PHLDB1: variants seen among roughly 807,000 people sequenced by gnomAD.
PHLDB1 encodes the protein pleckstrin homology like domain family B member 1.
A neutral mutation model predicts 139.3 loss-of-function variants in PHLDB1; 65 were observed. The observed-to-expected ratio is 0.47, with a 90% confidence interval of 0.38 to 0.57. The LOEUF (loss-of-function observed/expected upper bound fraction) is 0.57, where lower values mean the gene tolerates loss of function less well. Among genes scored for constraint, PHLDB1 ranks in the 20% least tolerant of loss-of-function variants. PHLDB1 has a pLI of 0.00. For synonymous variants in PHLDB1, 679 were observed against 734.5 expected (o/e 0.92, Z 1.22); for missense variants, 1,624 against 1,839.7 (o/e 0.88, Z 2.14).
intron 20 of PHLDB1, chr11:118,652,185 T>C (rs1420450625): frequency 6.6e-6 from 1 of 152,196 alleles, no homozygotes; most frequent in Non-Finnish European, 1.5e-5. Context: ...CCTAACCTGG[T>C]CCCTGATCAC....
chr11:118,644,457 C>T, intron 15 of PHLDB1: 1 of 488,594 alleles, frequency 2.0e-6, no homozygotes, highest in Non-Finnish European at 3.7e-6. Flanking sequence ...AGACATTGCC[C>T]TCTCTGGAGG....
At position 118,610,489 on chromosome 11, in the gene PHLDB1, G is replaced by A; in HGVS notation, c.-22+2790G>A. 3.0e-6 allele frequency: 3 copies of A among 984,404 alleles called. No homozygotes were observed. Among genetic ancestry groups the A allele is most frequent in the Non-Finnish European group, 3.6e-6 (3 of 828,980 alleles). The allele number at this position is 984,404 out of a possible 1,614,324, so 61.0% of individuals were successfully genotyped here. On this transcript the variant is annotated intron_variant, in intron 1 of 22. Coordinates refer to ENST00000600882, the MANE Select transcript of PHLDB1 (RefSeq NM_001144758.3). The surrounding 1 kb of genome is among the most constrained non-coding windows in gnomAD (Gnocchi z 8.7). ...GGGCCTCTGGCCACAGCCATGCACC[G>A]CTTGGGCCGAGGCCGAGGCCGACCC...
At chr11:118,655,214 A>G in intron 20 of PHLDB1, 1 of 174,330 alleles carries the variant, frequency 5.7e-6, no homozygotes, top group Non-Finnish European at 1.2e-5. Flanking sequence ...GCATTGGATC[A>G]AAAGATAAAT....
At chr11:118,616,324 C>A in intron 4 of PHLDB1, 113 bp downstream of exon 4, 1 of 893,666 alleles carries the variant, frequency 1.1e-6, no homozygotes, top group Non-Finnish European at 1.7e-6. Context: ...AGTGACCATA[C>A]TGGGAATGGA....
At chr11:118,612,609 G>A (rs1238073518) in intron 1 of PHLDB1, among the ~76,000 whole-genome samples, 1 of 152,328 alleles carries the variant, frequency 6.6e-6, no homozygotes, top group East Asian at 1.9e-4. Context: ...GCCAGCTTGG[G>A]TGGAAATGGT....
rs143362085 is a variant in PHLDB1 at position 118,649,050 on chromosome 11, A to G, written c.3654+974A>G. 7.7e-3 allele frequency among the ~76,000 whole-genome samples: 1,172 copies of G among 152,268 alleles called. 15 individuals are homozygous for G. The highest frequency in any genetic ancestry group is 0.026 in the South Asian group (126 of 4,824). The stretch of plus-strand genomic sequence containing the variant: ...TCCCAGCACTTTGGGAGGCCGAGGT[A>G]CACAGATCACTTGAGTCCAGGAGTT... On this transcript the variant is annotated intron_variant, in intron 18 of 22. Transcript: ENST00000600882.
chr11:118,623,874 TTGTGTGTGTGTG>T (rs3222268), intron 4 of PHLDB1, among the ~76,000 whole-genome samples: 79 of 141,288 alleles, frequency 5.6e-4, no homozygotes, highest in Non-Finnish European at 7.6e-4. Flanking sequence ...CTCTGAACAT[TTGTGTGTGTGTG>T]TGTGTGTGTG....
At chr11:118,613,451 G>T (rs1030156327) in intron 1 of PHLDB1, 25 of 996,408 alleles carry the variant, frequency 2.5e-5, no homozygotes, top group Non-Finnish European at 2.7e-5. Flanking sequence ...TCCCACTAAG[G>T]TAGATTTTCC....
At chr11:118,624,383 C>T (rs1476830272) in intron 4 of PHLDB1, 2 of 153,080 alleles carry the variant, frequency 1.3e-5, no homozygotes, top group Non-Finnish European at 2.9e-5. Flanking sequence ...TTGGGACTCA[C>T]TCACCAGTGC....
chr11:118,650,019 G>C lies in PHLDB1; in HGVS notation c.3655-58G>C. On this transcript the variant is annotated intron_variant, in intron 18 of 22. Transcript: ENST00000600882. This position sits in a 1 kb window ranked among gnomAD's most constrained non-coding sequence, Gnocchi z 4.7. ...TTTAGAAGTGAAGCCAAGGGGCCTG[G>C]ACAGGGGAATAATGAGGGAAGAGAG... The C allele has an allele frequency of 7.8e-7, 1 of 1,280,488 alleles. No individual in the cohort carries two copies. Among genetic ancestry groups the C allele is most frequent in the Admixed American group, 1.7e-5 (1 of 59,574 alleles). The allele number at this position is 1,280,488 out of a possible 1,614,324, so 79.3% of individuals were successfully genotyped here.
chr11:118,643,539 G>A (rs1946931988), intron 13 of PHLDB1: 13 of 985,434 alleles, frequency 1.3e-5, no homozygotes, highest in Non-Finnish European at 1.6e-5. Flanking sequence ...TTAAATCCTT[G>A]CATGGGTCTG....
chr11:118,616,257 T>A, intron 4 of PHLDB1, 46 bp downstream of exon 4: 1 of 1,564,170 alleles, frequency 6.4e-7, no homozygotes, highest in Non-Finnish European at 8.8e-7. Context: ...GTTTAAAGGC[T>A]TGTGTGTATT....
Position 118,628,230 on chromosome 11 carries a change from C to A in PHLDB1, c.1407C>A (p.Leu469=). The A allele has an allele frequency of 6.2e-7, 1 of 1,614,176 alleles. No individual in the cohort carries two copies. Among genetic ancestry groups the A allele is most frequent in the Non-Finnish European group, 8.5e-7 (1 of 1,180,022 alleles). The change falls in exon 6 of 23, where the codon CTC becomes CTA. Residue 469 remains leucine, a synonymous_variant. Coordinates refer to ENST00000600882, the MANE Select transcript of PHLDB1 (RefSeq NM_001144758.3). ...PLSPSLSRRA[L]SPLPTRTTPD... Reference sequence around the variant, plus strand: ...GTCCATCTCTGTCCCGGCGAGCTCTCTCCCCGCTGCCCACCCGGACCACCC... The same window carrying A: ...GTCCATCTCTGTCCCGGCGAGCTCTATCCCCGCTGCCCACCCGGACCACCC...
Position 118,650,122 on chromosome 11 carries a change from G to A in PHLDB1, c.3700G>A (p.Asp1234Asn). Residue 1234 changes from aspartate to asparagine, a missense_variant, in exon 19 of 23, where the codon GAC becomes AAC. Asp to Asn is a conservative substitution (Grantham distance 23). Transcript: ENST00000600882. This position sits in a 1 kb window ranked among gnomAD's most constrained non-coding sequence, Gnocchi z 4.7. ...CCTGCCAATCCGGAAGGAGGACTTTGACCTGAAGACACATATTGAGTCATC... is the reference window on the plus strand; with the variant it reads ...CCTGCCAATCCGGAAGGAGGACTTTAACCTGAAGACACATATTGAGTCATC... ...RYLPIRKEDFDLKTHIESSGH... is the reference protein window; with the variant it reads ...RYLPIRKEDFNLKTHIESSGH... 3.7e-6 allele frequency: 6 copies of A among 1,614,206 alleles called. No homozygotes were observed. The highest frequency in any genetic ancestry group is 5.1e-6 in the Non-Finnish European group (6 of 1,180,028).
At chr11:118,647,819 A>G (rs1023842469) in intron 17 of PHLDB1, 111 bp from the exon 18 acceptor site, 10 of 1,185,756 alleles carry the variant, frequency 8.4e-6, no homozygotes, top group Non-Finnish European at 1.1e-5. Flanking sequence ...ATGCCTCCTC[A>G]TGCCAGACTA....
Position 118,613,846 on chromosome 11 carries a change from C to T in PHLDB1, c.10C>T (p.Leu4Phe). 1 of 1,612,488 alleles carries T rather than the reference C, an allele frequency of 6.2e-7. No individual in the cohort carries two copies. Among genetic ancestry groups the T allele is most frequent in the Non-Finnish European group, 8.5e-7 (1 of 1,178,804 alleles). The change falls in exon 2 of 23, where the codon CTC becomes TTC. Residue 4 changes from leucine (L) to phenylalanine (F), a missense_variant. Transcript: ENST00000600882. Reference sequence around the variant, plus strand: ...CTGGAGCCTTAGGACCATGGACGCTCTCAATAGGAACCAAATAGGCCCTGG... The same window carrying T: ...CTGGAGCCTTAGGACCATGGACGCTTTCAATAGGAACCAAATAGGCCCTGG... MDA[L>F]NRNQIGPGCQ...
chr11:118,613,197 T>G (rs45621436), intron 1 of PHLDB1: 13,010 of 718,172 alleles, frequency 0.018, 117 homozygotes, highest in South Asian at 0.033. Context: ...CTGATTGTGT[T>G]GGGTTGAGGT....
At chr11:118,612,419 T>A (rs1940638360) in intron 1 of PHLDB1, among the ~76,000 whole-genome samples, 1 of 152,206 alleles carries the variant, frequency 6.6e-6, no homozygotes, top group South Asian at 2.1e-4. Context: ...GCTGAGGGAT[T>A]TCCCTGAGTC....
At chr11:118,618,398 C>T (rs1172524569) in intron 4 of PHLDB1, among the ~76,000 whole-genome samples, 1 of 152,058 alleles carries the variant, frequency 6.6e-6, no homozygotes, top group Non-Finnish European at 1.5e-5. Context: ...CTGCCTGGCC[C>T]CACTCCGGAC....
Sources: allele counts gnomAD v4.1 joint callset (sites outside exome capture counted in the v4.1 genomes callset), GRCh38; gene constraint gnomAD v4.1.1; non-coding constraint Gnocchi (gnomAD v3.1); transcripts MANE v1.5; gene names NCBI Gene and HGNC (gene_info 2026-07-23, HGNC 2026-07-21).